UPK1B: variants seen among roughly 807,000 people sequenced by gnomAD.
UPK1B encodes the protein uroplakin 1B, also known as uroplakin-1b.
A neutral mutation model predicts 34.2 loss-of-function variants in UPK1B; 28 were observed. The ratio of observed to expected loss-of-function variants is 0.82; its 90% CI spans 0.61 to 1.12. UPK1B has a LOEUF of 1.12. UPK1B is among the 50% of genes most tolerant of loss of function. The pLI, the probability that UPK1B is intolerant of heterozygous loss-of-function variation, is 0.00. For synonymous variants in UPK1B, 81 were observed against 110.4 expected, an observed-to-expected ratio of 0.73 and a Z score of 1.67; for missense variants, 325 against 320.9, an observed-to-expected ratio of 1.01 and a Z score of -0.10.
intron 5 of UPK1B, 63 bp downstream of exon 5, chr3:119,191,167 C>A: frequency 2.5e-6 from 4 of 1,573,354 alleles, no homozygotes; most frequent in Non-Finnish European, 3.5e-6. Context: ...GTGTCATACA[C>A]ATGACTCAGT....
In UPK1B at chr3:119,203,963, A is replaced by G. The variant is rs2078107122; in HGVS notation, c.779A>G (p.Tyr260Cys). 6.2e-7 allele frequency: 1 copy of G among 1,613,994 alleles called. No homozygotes were observed. The highest frequency in any genetic ancestry group is 1.7e-5 in the Admixed American group (1 of 60,022). ...ATGTTCTACTGGAGCAGAATTGAAT[A>G]TTAAGCATAAAGTGTTGCCACCATA... ...GTMFYWSRIEY is the reference protein window; with the variant it reads ...GTMFYWSRIEC Residue 260 changes from tyrosine to cysteine, a missense_variant, in exon 8 of 8, where the codon TAT (tyrosine) becomes TGT (cysteine). Coordinates refer to ENST00000264234, the MANE Select transcript of UPK1B (RefSeq NM_006952.4).
chr3:119,186,792 T>C lies in UPK1B; in HGVS notation c.51T>C (p.Phe17=). Residue 17 remains phenylalanine (F), a synonymous_variant, in exon 2 of 8, where the codon TTT becomes TTC. Coordinates refer to ENST00000264234, the MANE Select transcript of UPK1B (RefSeq NM_006952.4). The part of the protein sequence containing the change: ...TVRCFQGLLI[F]GNVIIGCCGI... Reference sequence around the variant, plus strand: ...GTTGCTTCCAGGGCCTGCTGATTTTTGGAAATGTGATTATTGGTGTAAGTA... The same window carrying C: ...GTTGCTTCCAGGGCCTGCTGATTTTCGGAAATGTGATTATTGGTGTAAGTA... The C allele has an allele frequency of 6.2e-7, 1 of 1,614,176 alleles. No homozygotes were observed. Among genetic ancestry groups the C allele is most frequent in the African/African-American group, 1.3e-5 (1 of 75,064 alleles).
intron 1 of UPK1B, among the ~76,000 whole-genome samples, chr3:119,178,086 T>G (rs2077965952): frequency 7.0e-6 from 1 of 143,252 alleles, no homozygotes; most frequent in African/African-American, 2.5e-5. Flanking sequence ...CACCAAAGGG[T>G]TGGGGGGGTG....
intron 6 of UPK1B, among the ~76,000 whole-genome samples, chr3:119,197,715 G>A (rs2078072839): frequency 6.6e-6 from 1 of 152,182 alleles, no homozygotes; most frequent in African/African-American, 2.4e-5. Context: ...ATTCTAGCAT[G>A]GGAGACAGAA....
intron 1 of UPK1B, among the ~76,000 whole-genome samples, chr3:119,179,023 T>C (rs1231717998): frequency 6.6e-6 from 1 of 151,932 alleles, no homozygotes; most frequent in Admixed American, 6.6e-5. Context: ...CTTTCAGAGA[T>C]AGAACCAAAA....
intron 7 of UPK1B, among the ~76,000 whole-genome samples, chr3:119,203,296 G>A (rs372339013): frequency 5.6e-4 from 70 of 125,794 alleles, no homozygotes; most frequent in Middle Eastern, 6.6e-3. Flanking sequence ...AGTCAAGATC[G>A]CGCCACTGCA....
chr3:119,179,739 C>A (rs1295104999), intron 1 of UPK1B, among the ~76,000 whole-genome samples: 1 of 144,990 alleles, frequency 6.9e-6, no homozygotes, highest in African/African-American at 2.6e-5. Flanking sequence ...CATCTCCTGA[C>A]CTCGTGATCC....
At chr3:119,196,666 A>G (rs1026352633) in intron 6 of UPK1B, among the ~76,000 whole-genome samples, 1 of 151,298 alleles carries the variant, frequency 6.6e-6, no homozygotes, top group Non-Finnish European at 1.5e-5. Flanking sequence ...CAGCCTCCCA[A>G]GTAGCTGGGA....
chr3:119,194,947 T>G (rs1048439256), intron 6 of UPK1B, among the ~76,000 whole-genome samples: 1 of 152,240 alleles, frequency 6.6e-6, no homozygotes, highest in Non-Finnish European at 1.5e-5. Context: ...GATAATGTGA[T>G]TACGATCATG....
chr3:119,195,786 AG>A lies in UPK1B; in HGVS notation c.648+1389del, dbSNP rs965822173. On this transcript the variant is annotated intron_variant, in intron 6 of 7. Coordinates refer to ENST00000264234, the MANE Select transcript of UPK1B (RefSeq NM_006952.4). ...TCTTCAGATAACCAGTTTATTTCAT[AG>A]TTATACCTTTTTTCCTAGCACATAT... is the stretch of plus-strand genomic sequence containing the variant. Among the ~76,000 whole-genome samples the A allele has an allele frequency of 2.0e-4, 30 of 152,342 alleles. 1 individual carries two copies. The highest frequency in any genetic ancestry group is 7.0e-4 in the African/African-American group (29 of 41,576).
chr3:119,203,938 A>G lies in UPK1B; in HGVS notation c.754A>G (p.Met252Val). 1 of 1,614,062 alleles carries G rather than the reference A, an allele frequency of 6.2e-7. No homozygotes were observed. Among genetic ancestry groups the G allele is most frequent in the Non-Finnish European group, 8.5e-7 (1 of 1,180,010 alleles). The part of the protein sequence containing the change: ...CWTFWVLLGT[M>V]FYWSRIEY ...CCAGTTTTGGGTTCTCCTGGGTACC[A>G]TGTTCTACTGGAGCAGAATTGAATA... Residue 252 changes from methionine to valine, a missense_variant, in exon 8 of 8, where the codon ATG (methionine) becomes GTG (valine). Met to Val is a conservative substitution (Grantham distance 21, BLOSUM62 1). Transcript: ENST00000264234.
intron 2 of UPK1B, 66 bp from the exon 3 acceptor site, chr3:119,187,709 C>A: frequency 1.3e-6 from 2 of 1,491,554 alleles, no homozygotes; most frequent in Admixed American, 1.7e-5. Context: ...CTCTTACCTT[C>A]CCCACCCTCC....
At chr3:119,188,394 GATATAAA>G (rs2078029305) in intron 3 of UPK1B, among the ~76,000 whole-genome samples, 1 of 152,108 alleles carries the variant, frequency 6.6e-6, no homozygotes, top group African/African-American at 2.4e-5. Context: ...AATATATTAG[GATATAAA>G]ATATAAAATA....
chr3:119,174,886 T>C (rs2077946263), intron 1 of UPK1B, among the ~76,000 whole-genome samples: 1 of 113,790 alleles, frequency 8.8e-6, no homozygotes, highest in African/African-American at 3.0e-5. Context: ...TAAAATCAAC[T>C]CACCTATTTT....
At chr3:119,185,892 A>G (rs986778212) in intron 1 of UPK1B, among the ~76,000 whole-genome samples, 6 of 152,200 alleles carry the variant, frequency 3.9e-5, no homozygotes, top group African/African-American at 1.4e-4. Flanking sequence ...GTATGGCACC[A>G]AAGTCTATAC....
intron 1 of UPK1B, among the ~76,000 whole-genome samples, chr3:119,186,066 C>T (rs1420123273): frequency 6.6e-6 from 1 of 152,152 alleles, no homozygotes; most frequent in African/African-American, 2.4e-5. Flanking sequence ...ATGGAGCCTC[C>T]TCGCCTTTCT....
chr3:119,201,397 G>A (rs1464388188), intron 7 of UPK1B, among the ~76,000 whole-genome samples: 4 of 152,278 alleles, frequency 2.6e-5, no homozygotes, highest in African/African-American at 4.8e-5. Flanking sequence ...GGCAGAAGGC[G>A]AAGTAGGAGC....
chr3:119,178,966 C>A (rs1256253358), intron 1 of UPK1B, among the ~76,000 whole-genome samples: 1 of 152,008 alleles, frequency 6.6e-6, no homozygotes, highest in Non-Finnish European at 1.5e-5. Flanking sequence ...GTGCTTCTAT[C>A]AAAAATATAC....
At chr3:119,179,602 C>T (rs1465383554) in intron 1 of UPK1B, among the ~76,000 whole-genome samples, 2 of 140,464 alleles carry the variant, frequency 1.4e-5, no homozygotes, top group African/African-American at 2.6e-5. Context: ...CTCGGCCTCC[C>T]GGGTTCACGC....
Sources: gnomAD v4.1 joint callset for allele counts (sites outside exome capture counted in the v4.1 genomes callset) on GRCh38, gnomAD v4.1.1 for gene constraint, MANE v1.5 for transcripts, NCBI Gene and HGNC (gene_info 2026-07-23, HGNC 2026-07-21) for gene names.